Variants in PCDH9 observed in about 807,000 individuals in gnomAD.
PCDH9 encodes the protein protocadherin 9.
Under a neutral mutation model 70.6 loss-of-function variants are expected in PCDH9, and 24 were observed. The ratio of observed to expected loss-of-function variants is 0.34; its 90% CI spans 0.25 to 0.48. The LOEUF (loss-of-function observed/expected upper bound fraction) is 0.48. Among genes scored for constraint, PCDH9 ranks in the 20% least tolerant of loss-of-function variants. The pLI is 0.99. For missense variants in PCDH9, 1,281 were observed against 1,503.6 expected, an observed-to-expected ratio of 0.85 and a Z score of 2.45; for synonymous variants, 562 against 558.5, an observed-to-expected ratio of 1.01 and a Z score of -0.09.
At chr13:66,921,673 C>T (rs1256035533) in intron 2 of PCDH9, among the ~76,000 whole-genome samples, 1 of 151,228 alleles carries the variant, frequency 6.6e-6, no homozygotes, top group Non-Finnish European at 1.5e-5. Context: ...AAGACTAATA[C>T]ACAGGATTTA....
At chr13:67,119,098 A>G (rs529510681) in intron 2 of PCDH9, among the ~76,000 whole-genome samples, 2 of 152,312 alleles carry the variant, frequency 1.3e-5, no homozygotes, top group Non-Finnish European at 2.9e-5. Context: ...GCCAGGCCGT[A>G]ATGGATGGAA....
At chr13:66,746,546 T>C (rs972908101) in intron 3 of PCDH9, among the ~76,000 whole-genome samples, 1 of 152,110 alleles carries the variant, frequency 6.6e-6, no homozygotes, top group Non-Finnish European at 1.5e-5. Context: ...AAGTCATTAA[T>C]AGTAAAATAG....
At chr13:66,440,405 T>C (rs913878655) in intron 4 of PCDH9, among the ~76,000 whole-genome samples, 1 of 152,172 alleles carries the variant, frequency 6.6e-6, no homozygotes, top group South Asian at 2.1e-4. Context: ...GCTTGATGTC[T>C]GGAAATGTCT....
chr13:67,091,690 G>A (rs937967699), intron 2 of PCDH9, among the ~76,000 whole-genome samples: 16 of 152,106 alleles, frequency 1.1e-4, no homozygotes, highest in African/African-American at 3.9e-4. Flanking sequence ...TAATACCAAT[G>A]TAATCATTAG....
In PCDH9 at chr13:66,453,236, T is replaced by C. The variant is rs114643404; in HGVS notation, c.3341-148208A>G. Among the ~76,000 whole-genome samples, 302 of 152,248 alleles carry C rather than the reference T, an allele frequency of 2.0e-3. 2 individuals are homozygous for C. The highest frequency in any genetic ancestry group is 6.9e-3 in the African/African-American group (287 of 41,556). On this transcript the variant is annotated intron_variant, in intron 4 of 4. Transcript: ENST00000377865. Reference sequence around the variant, plus strand: ...AGGAGTAGGTGACATGTAAGGTAAATCTCAGAATTTCCTTTTCTTTGATCT... The same window carrying C: ...AGGAGTAGGTGACATGTAAGGTAAACCTCAGAATTTCCTTTTCTTTGATCT...
At chr13:66,502,999 T>A (rs1265717644) in intron 4 of PCDH9, among the ~76,000 whole-genome samples, 2 of 152,176 alleles carry the variant, frequency 1.3e-5, no homozygotes, top group African/African-American at 4.8e-5. Context: ...CCTGCCCACA[T>A]TCTTTGTAAA....
At chr13:66,351,726 A>G (rs1956294091) in intron 4 of PCDH9, among the ~76,000 whole-genome samples, 1 of 152,202 alleles carries the variant, frequency 6.6e-6, no homozygotes, top group Non-Finnish European at 1.5e-5. Flanking sequence ...AAGTAGGTGA[A>G]TCAGTATTCC....
At chr13:66,495,676 C>G (rs1358574039) in intron 4 of PCDH9, among the ~76,000 whole-genome samples, 2 of 152,160 alleles carry the variant, frequency 1.3e-5, no homozygotes, top group African/African-American at 4.8e-5. Context: ...TAATTTGGTT[C>G]TGGGTAGAGA....
At chr13:67,084,997 A>AATATATATATATATATATATATATATAT (rs763373225) in intron 2 of PCDH9, among the ~76,000 whole-genome samples, 4 of 33,200 alleles carry the variant, frequency 1.2e-4, no homozygotes, top group African/African-American at 4.6e-4. Flanking sequence ...AAAAAAAAAA[A>AATATATATATATATATATATATATATAT]ATATATATAT....
chr13:66,991,477 A>C (rs182358567), intron 2 of PCDH9, among the ~76,000 whole-genome samples: 2 of 151,372 alleles, frequency 1.3e-5, no homozygotes, highest in African/African-American at 2.4e-5. Flanking sequence ...AGATCTCAAA[A>C]TAAAATTACT....
At chr13:67,111,818 T>C (rs916625422) in intron 2 of PCDH9, among the ~76,000 whole-genome samples, 2 of 152,212 alleles carry the variant, frequency 1.3e-5, no homozygotes, top group Non-Finnish European at 2.9e-5. Context: ...TTCACTTCTT[T>C]AGGCTAATTA....
intron 3 of PCDH9, among the ~76,000 whole-genome samples, chr13:66,657,563 C>T (rs2077949298): frequency 6.6e-6 from 1 of 152,206 alleles, no homozygotes; most frequent in South Asian, 2.1e-4. Context: ...CAAAAATTCT[C>T]ATTCTCTGTG....
chr13:66,440,923 T>A (rs538801036), intron 4 of PCDH9, among the ~76,000 whole-genome samples: 1 of 152,302 alleles, frequency 6.6e-6, no homozygotes, highest in African/African-American at 2.4e-5. Flanking sequence ...ACACACAGAT[T>A]CTGCATTGCA....
intron 3 of PCDH9, among the ~76,000 whole-genome samples, chr13:66,748,973 T>G (rs12870352): frequency 0.3 from 44,996 of 152,004 alleles, 7,029 homozygotes; most frequent in East Asian, 0.44. Context: ...GTACTCAAGA[T>G]ATCTGATGTG....
At chr13:66,496,945 T>C (rs1213569335) in intron 4 of PCDH9, among the ~76,000 whole-genome samples, 1 of 152,262 alleles carries the variant, frequency 6.6e-6, no homozygotes, top group Non-Finnish European at 1.5e-5. Context: ...TGGTTATCTC[T>C]TTCACAAGGC....
chr13:66,449,013 A>G (rs1173988514), intron 4 of PCDH9, among the ~76,000 whole-genome samples: 1 of 152,190 alleles, frequency 6.6e-6, no homozygotes, highest in Non-Finnish European at 1.5e-5. Context: ...GAAGCCTTTG[A>G]TATAAAGAAA....
intron 4 of PCDH9, among the ~76,000 whole-genome samples, chr13:66,567,988 C>G (rs1432840188): frequency 6.6e-6 from 1 of 152,048 alleles, no homozygotes; most frequent in African/African-American, 2.4e-5. Context: ...ATAAACACAC[C>G]TACTGTGTGT....
chr13:66,895,625 A>G (rs1308996308), intron 3 of PCDH9, among the ~76,000 whole-genome samples: 1 of 152,250 alleles, frequency 6.6e-6, no homozygotes, highest in Non-Finnish European at 1.5e-5. Context: ...CAAATGCTTG[A>G]GCAGCATTAT....
chr13:66,525,039 T>A (rs1243563472), intron 4 of PCDH9, among the ~76,000 whole-genome samples: 1 of 151,916 alleles, frequency 6.6e-6, no homozygotes, highest in Non-Finnish European at 1.5e-5. Flanking sequence ...AGGAGAAAAA[T>A]CTTAGAATCT....
Sources: gnomAD v4.1 joint callset for allele counts (sites outside exome capture counted in the v4.1 genomes callset) on GRCh38, gnomAD v4.1.1 for gene constraint, MANE v1.5 for transcripts, NCBI Gene and HGNC (gene_info 2026-07-23, HGNC 2026-07-21) for gene names.